The following TMEM39A variants were observed in gnomAD, a reference collection of about 807,000 sequenced individuals.
TMEM39A encodes suppressor of SQST-1 aggregates in rpl-43 mutants.
A neutral mutation model predicts 51.9 loss-of-function variants in TMEM39A; 19 were observed. That is an observed-to-expected ratio of 0.37 (90% CI 0.26 to 0.54). The LOEUF (loss-of-function observed/expected upper bound fraction) is 0.54. Ranked by LOEUF, TMEM39A falls within the 20% of genes least tolerant of loss-of-function variation. The pLI, the probability that TMEM39A is intolerant of heterozygous loss-of-function variation, is 0.88. For missense variants in TMEM39A, 433 were observed against 590.5 expected (o/e 0.73, Z 2.76); for synonymous variants, 197 against 220.2 (o/e 0.89, Z 0.93).
chr3:119,447,264 A>G (rs2081140260), intron 4 of TMEM39A, 92 bp from the exon 5 acceptor site: 2 of 1,285,594 alleles, frequency 1.6e-6, no homozygotes, highest in South Asian at 3.0e-5. Flanking sequence ...GGTTTAGTGG[A>G]AGCTAAAATG....
chr3:119,434,515 C>T (rs112863158), intron 8 of TMEM39A, among the ~76,000 whole-genome samples: 2,423 of 152,078 alleles, frequency 0.016, 32 homozygotes, highest in Middle Eastern at 0.041. Context: ...ATACTAGATT[C>T]GACAAATACC....
At chr3:119,458,643 C>T (rs1299898533) in intron 2 of TMEM39A, among the ~76,000 whole-genome samples, 1 of 152,104 alleles carries the variant, frequency 6.6e-6, no homozygotes, top group Non-Finnish European at 1.5e-5. Context: ...ACCTGTAATC[C>T]CAGCACTTTG....
intron 7 of TMEM39A, chr3:119,435,189 G>C: frequency 1.0e-6 from 1 of 985,374 alleles, no homozygotes; most frequent in Non-Finnish European, 1.2e-6. Context: ...GTGTAAGCAG[G>C]GTGACTGTCA....
In TMEM39A at chr3:119,429,909, G is replaced by C. The variant is rs1449526199; in HGVS notation, c.*2072C>G. 1.3e-5 allele frequency: 2 copies of C among 152,094 alleles called. No individual in the cohort carries two copies. Among genetic ancestry groups the C allele is most frequent in the Non-Finnish European group, 2.9e-5 (2 of 67,996 alleles). The allele number at this position is 152,094 out of a possible 1,614,324, so 9.4% of individuals were successfully genotyped here. A position where few individuals can be genotyped will look rare whatever the true frequency, so the allele number is the denominator to read the frequency against. On this transcript the variant is annotated 3_prime_UTR_variant, in exon 9 of 9. Coordinates refer to ENST00000319172, the MANE Select transcript of TMEM39A (RefSeq NM_018266.3). ...GGCATCATATTAGTTCATAAGACTGGTCTGTTATCTCTAATCAGGGTTTTC... is the reference window on the plus strand; with the variant it reads ...GGCATCATATTAGTTCATAAGACTGCTCTGTTATCTCTAATCAGGGTTTTC...
intron 8 of TMEM39A, among the ~76,000 whole-genome samples, chr3:119,433,406 G>T (rs1235839530): frequency 6.6e-6 from 1 of 152,008 alleles, no homozygotes; most frequent in Non-Finnish European, 1.5e-5. Context: ...AAAAATAGTG[G>T]GCCAGGTGAT....
At chr3:119,438,621 C>A (rs967761829) in intron 5 of TMEM39A, among the ~76,000 whole-genome samples, 2 of 151,874 alleles carry the variant, frequency 1.3e-5, no homozygotes, top group African/African-American at 4.8e-5. Flanking sequence ...ATAGAAATAC[C>A]ATAATTTACC....
At position 119,431,932 on chromosome 3, in the gene TMEM39A, C is replaced by T. The variant is rs755167314; in HGVS notation, c.*49G>A. The T allele has an allele frequency of 3.2e-5, 38 of 1,202,686 alleles. No individual in the cohort carries two copies. The highest frequency in any genetic ancestry group is 2.1e-4 in the Middle Eastern group (1 of 4,872). The allele number at this position is 1,202,686 out of a possible 1,614,324, so 74.5% of individuals were successfully genotyped here. On this transcript the variant is annotated 3_prime_UTR_variant, in exon 9 of 9. Coordinates refer to ENST00000319172, the MANE Select transcript of TMEM39A (RefSeq NM_018266.3). ...TAAAAATCACAAGAAAAAAATAGAA[C>T]GTATGAAAATATTTTTATCTGAGTT... is the stretch of plus-strand genomic sequence containing the variant.
At chr3:119,442,254 A>C (rs2081063916) in intron 5 of TMEM39A, among the ~76,000 whole-genome samples, 1 of 152,040 alleles carries the variant, frequency 6.6e-6, no homozygotes, top group East Asian at 1.9e-4. Flanking sequence ...GAGGCAGGAC[A>C]ATCACTTGAA....
intron 5 of TMEM39A, among the ~76,000 whole-genome samples, chr3:119,439,522 G>A (rs2081021081): frequency 9.3e-6 from 1 of 107,896 alleles, no homozygotes; most frequent in African/African-American, 4.3e-5. Context: ...GGAGGTTGCA[G>A]TGAGCCGAGA....
At position 119,430,353 on chromosome 3, in the gene TMEM39A, T is replaced by G. The variant is rs1246322820; in HGVS notation, c.*1628A>C. ...TCTAGCAGTGCTATTCTTACCACTATTTCCTTGTCCTGATTTCCCTTTGCT... is the reference window on the plus strand; with the variant it reads ...TCTAGCAGTGCTATTCTTACCACTAGTTCCTTGTCCTGATTTCCCTTTGCT... On this transcript the variant is annotated 3_prime_UTR_variant, in exon 9 of 9. Transcript: ENST00000319172. 6.6e-6 allele frequency: 1 copy of G among 152,112 alleles called. No individual in the cohort carries two copies. The highest frequency in any genetic ancestry group is 1.5e-5 in the Non-Finnish European group (1 of 67,986). 9.4% of individuals were successfully genotyped at this position (152,112 alleles called of 1,614,324 possible). A position where few individuals can be genotyped will look rare whatever the true frequency, so the allele number is the denominator to read the frequency against.
At position 119,437,736 on chromosome 3, in the gene TMEM39A, A is replaced by C. The variant is rs1412532619; in HGVS notation, c.924+19T>G. On this transcript the variant is annotated intron_variant, in intron 6 of 8. Coordinates refer to ENST00000319172, the MANE Select transcript of TMEM39A (RefSeq NM_018266.3). ...ACACACAAATCCAGGAAGCACATAA[A>C]AGTAAGATAACCACTTACCTTCACA... The C allele has an allele frequency of 6.7e-7, 1 of 1,498,616 alleles. No individual in the cohort carries two copies. The allele number at this position is 1,498,616 out of a possible 1,614,324, so 92.8% of individuals were successfully genotyped here. A position where few individuals can be genotyped will look rare whatever the true frequency, so the allele number is the denominator to read the frequency against.
In TMEM39A at chr3:119,436,960, T is replaced by C. The variant is rs1315460313; in HGVS notation, c.943A>G (p.Met315Val). The change falls in exon 7 of 9, where the codon ATG becomes GTG. Residue 315 changes from methionine to valine, a missense_variant. By Grantham distance (21) the Met-to-Val change is conservative. Coordinates refer to ENST00000319172, the MANE Select transcript of TMEM39A (RefSeq NM_018266.3). ...CFVKSTQYYD[M>V]RWSCEHLIMV... ...ATGAGGTGCTCACATGACCAGCGCA[T>C]GTCATAGTACTGGGTACTCTGGAAG... The C allele has an allele frequency of 2.5e-6, 4 of 1,613,522 alleles. No individual in the cohort carries two copies. The highest frequency in any genetic ancestry group is 4.5e-5 in the East Asian group (2 of 44,888).
At chr3:119,451,401 A>C (rs2081196692) in intron 4 of TMEM39A, 1 of 822,524 alleles carries the variant, frequency 1.2e-6, no homozygotes, top group African/African-American at 1.8e-5. Flanking sequence ...TTCACACTGA[A>C]TTATAAGTTC....
intron 7 of TMEM39A, chr3:119,435,486 C>G: frequency 1.0e-6 from 1 of 984,678 alleles, no homozygotes; most frequent in South Asian, 4.7e-5. Context: ...AGAGGTTTCT[C>G]TGGGGGAAAA....
chr3:119,446,011 A>G (rs985013888), intron 5 of TMEM39A, among the ~76,000 whole-genome samples: 2 of 152,192 alleles, frequency 1.3e-5, no homozygotes, highest in East Asian at 3.8e-4. Flanking sequence ...CCCTACATAC[A>G]CTATGTTTTT....
chr3:119,455,942 A>C (rs2081257981), intron 3 of TMEM39A, among the ~76,000 whole-genome samples: 1 of 152,214 alleles, frequency 6.6e-6, no homozygotes, highest in South Asian at 2.1e-4. Flanking sequence ...CTATGCCGCT[A>C]TGTGATTTTT....
At position 119,439,449 on chromosome 3, in the gene TMEM39A, C is replaced by T. The variant is rs554223645; in HGVS notation, c.576-1346G>A. On this transcript the variant is annotated intron_variant, in intron 5 of 8. Coordinates refer to ENST00000319172, the MANE Select transcript of TMEM39A (RefSeq NM_018266.3). ...TACAAAAATTAGCTGGGTGTGGTGG[C>T]GCGCACCTGCAATCCCAGCTACTCG... Among the ~76,000 whole-genome samples the T allele has an allele frequency of 5.3e-5, 8 of 151,794 alleles. No homozygotes were observed. In the South Asian group the frequency reaches 1.0e-3, roughly 20 times the overall value.
rs140336491 is a variant in TMEM39A at position 119,447,070 on chromosome 3, C to T, written c.523G>A (p.Val175Ile). The T allele has an allele frequency of 3.0e-5, 48 of 1,613,976 alleles. No homozygotes were observed. The highest frequency in any genetic ancestry group is 8.9e-5 in the East Asian group (4 of 44,886). The change falls in exon 5 of 9, where the codon GTC becomes ATC. Residue 175 changes from valine to isoleucine, a missense_variant. Around this residue, in one of 3 missense-constraint regions of TMEM39A, gnomAD observed 170 missense variants for 239.8 expected, o/e 0.71. Transcript: ENST00000319172. ...LCGWVLCWTLVNLFRSHSVLN... is the reference protein window; with the variant it reads ...LCGWVLCWTLINLFRSHSVLN... ...ACTGAATGGCTTCGAAAGAGATTGACGAGGGTCCAACAAAGTACCCATCCA... is the reference window on the plus strand; with the variant it reads ...ACTGAATGGCTTCGAAAGAGATTGATGAGGGTCCAACAAAGTACCCATCCA...
chr3:119,458,582 G>A (rs766150636), intron 2 of TMEM39A, among the ~76,000 whole-genome samples: 2 of 152,158 alleles, frequency 1.3e-5, no homozygotes, highest in African/African-American at 4.8e-5. Flanking sequence ...GCCCACATCA[G>A]AAACCTGGGA....
Sources: gnomAD v4.1 joint callset for allele counts (sites outside exome capture counted in the v4.1 genomes callset) on GRCh38, gnomAD v4.1.1 for gene constraint, gnomAD v4.1.1 regional missense constraint, MANE v1.5 for transcripts, NCBI Gene and HGNC (gene_info 2026-07-23, HGNC 2026-07-21) for gene names.